Variants in DNAH17 observed in about 807,000 individuals in gnomAD.
DNAH17 encodes the protein axonemal beta dynein heavy chain 17.
DNAH17 carries 376 observed loss-of-function variants against 485.6 expected under a neutral mutation model. The observed-to-expected ratio is 0.77, with a 90% CI of 0.71 to 0.84. The LOEUF (loss-of-function observed/expected upper bound fraction) is 0.84, where lower values mean the gene tolerates loss of function less well. DNAH17 is among the 40% of genes least tolerant of loss of function. The probability of loss-of-function intolerance (pLI) is 0.00; values close to 1 mark genes in which losing one functional copy is unlikely to be tolerated. For missense variants in DNAH17, 6,370 were observed against 5,839.3 expected, an observed-to-expected ratio of 1.09 and a Z score of -2.96; for synonymous variants, 3,031 against 2,405.9, an observed-to-expected ratio of 1.26 and a Z score of -7.60.
intron 34 of DNAH17, 129 bp from the exon 35 acceptor site, chr17:78,501,473 T>C: frequency 1.7e-6 from 2 of 1,203,490 alleles, no homozygotes; most frequent in South Asian, 1.6e-5. Context: ...TCTTTCCCCC[T>C]CCAGCACCCA....
At position 78,461,660 on chromosome 17, in the gene DNAH17, G is replaced by C. The variant is rs1163946110; in HGVS notation, c.9223C>G (p.Gln3075Glu). 2.5e-6 allele frequency: 4 copies of C among 1,611,824 alleles called. No homozygotes were observed. ...AGTTGGTCTGCGCTCTCATTCTTCT[G>C]CTTGAGCTCAGCCTCCTGAATCGCC... ...KLAIQEAELKQKNESADQLIQ... is the reference protein window; with the variant it reads ...KLAIQEAELKEKNESADQLIQ... The change falls in exon 58 of 81, where the codon CAG becomes GAG. Residue 3075 changes from glutamine (Q) to glutamate (E), a missense_variant. By Grantham distance (29) the Gln-to-Glu change is conservative (BLOSUM62 2). Coordinates refer to ENST00000389840, the MANE Select transcript of DNAH17 (RefSeq NM_173628.4).
At chr17:78,427,282 A>C (rs1264170973) in intron 77 of DNAH17, 174 bp from the exon 78 acceptor site, 5 of 651,344 alleles carry the variant, frequency 7.7e-6, no homozygotes, top group Non-Finnish European at 1.3e-5. Context: ...TTTGATGAGG[A>C]GAGGGAGCCT....
At chr17:78,501,480 C>T (rs2090287536) in intron 34 of DNAH17, 136 bp from the exon 35 acceptor site, 3 of 1,160,596 alleles carry the variant, frequency 2.6e-6, no homozygotes, top group Non-Finnish European at 3.5e-6. Context: ...CCCTCCAGCA[C>T]CCACATCCAA....
intron 62 of DNAH17, among the ~76,000 whole-genome samples, chr17:78,456,713 G>A (rs1446173125): frequency 6.6e-6 from 1 of 152,222 alleles, no homozygotes; most frequent in East Asian, 1.9e-4. Flanking sequence ...TAGAGCCACT[G>A]AGGGTCTGTC....
chr17:78,428,547 G>C lies in DNAH17; in HGVS notation c.12566C>G (p.Thr4189Arg). ...TGCCTTCTCCTCGCGGGACACTCCCGTGCCTGCCCCCGAGTCCGTCTCTTT... is the reference window on the plus strand; with the variant it reads ...TGCCTTCTCCTCGCGGGACACTCCCCTGCCTGCCCCCGAGTCCGTCTCTTT... ...QPKETDSGAG[T>R]GVSREEKVKA... The change falls in exon 77 of 81, where the codon ACG (threonine) becomes AGG (arginine). Residue 4189 changes from threonine (T) to arginine (R), a missense_variant. Coordinates refer to ENST00000389840, the MANE Select transcript of DNAH17 (RefSeq NM_173628.4). 1 of 1,610,748 alleles carries C rather than the reference G, an allele frequency of 6.2e-7. No homozygotes were observed. Among genetic ancestry groups the C allele is most frequent in the Non-Finnish European group, 8.5e-7 (1 of 1,178,564 alleles).
chr17:78,433,340 C>G (rs2086747058), intron 75 of DNAH17, among the ~76,000 whole-genome samples: 1 of 152,250 alleles, frequency 6.6e-6, no homozygotes, highest in Admixed American at 6.5e-5. Context: ...TACAGAGGGC[C>G]CCCTCCAGCG....
rs1246980684 is a variant in DNAH17 at position 78,491,458 on chromosome 17, G to A, written c.6654C>T (p.Val2218=). 2 of 1,612,880 alleles carry A rather than the reference G, an allele frequency of 1.2e-6. No homozygotes were observed. The highest frequency in any genetic ancestry group is 1.7e-6 in the Non-Finnish European group (2 of 1,179,558). Residue 2218 remains valine (V), a synonymous_variant, in exon 43 of 81, where the codon GTC becomes GTT. Transcript: ENST00000389840. ...GCCCGCGAACCTTGTTGTCATCCATGACTGTGTTGAGAGACTCGATCCACA... is the reference window on the plus strand; with the variant it reads ...GCCCGCGAACCTTGTTGTCATCCATAACTGTGTTGAGAGACTCGATCCACA... ...DPMWIESLNT[V]MDDNKVLTLA...
chr17:78,558,079 T>C (rs2092066516), intron 14 of DNAH17, 29 bp downstream of exon 14: 2 of 1,582,988 alleles, frequency 1.3e-6, no homozygotes, highest in African/African-American at 1.4e-5. Flanking sequence ...CAAAGCTGCA[T>C]CAGGAATAGT....
intron 41 of DNAH17, 42 bp from the exon 42 acceptor site, chr17:78,492,807 T>C: frequency 6.4e-7 from 1 of 1,561,686 alleles, no homozygotes; most frequent in Non-Finnish European, 8.7e-7. Context: ...TCCATGTTCC[T>C]GGCACATCCT....
chr17:78,447,248 C>T (rs949563080), intron 69 of DNAH17, among the ~76,000 whole-genome samples: 7 of 152,144 alleles, frequency 4.6e-5, no homozygotes, highest in East Asian at 1.9e-4. Flanking sequence ...TTGGCTGCTG[C>T]GATTAATGCT....
intron 48 of DNAH17, among the ~76,000 whole-genome samples, chr17:78,483,873 G>A (rs551047253): frequency 6.6e-6 from 1 of 151,984 alleles, no homozygotes; most frequent in South Asian, 2.1e-4. Flanking sequence ...AAGGCGGGCG[G>A]ATCACCTGAG....
chr17:78,572,191 A>G (rs528922969), intron 3 of DNAH17, among the ~76,000 whole-genome samples: 1 of 152,266 alleles, frequency 6.6e-6, no homozygotes, highest in East Asian at 1.9e-4. Context: ...GGGGTCTCAC[A>G]TATCAGGGCG....
chr17:78,466,502 G>A (rs1315444775), intron 56 of DNAH17, among the ~76,000 whole-genome samples, 153 bp downstream of exon 56: 2 of 152,212 alleles, frequency 1.3e-5, no homozygotes, highest in Non-Finnish European at 2.9e-5. Flanking sequence ...TGATGCCTGA[G>A]TTTCTGGCAG....
Position 78,463,094 on chromosome 17 carries a change from G to A in DNAH17, c.8941-17C>T, listed in dbSNP as rs138250231. The stretch of plus-strand genomic sequence containing the variant: ...GACTTCCCACTACAAAGATGAGACA[G>A]CCAGTCATCCCTGGGACCCCATCCT... On this transcript the variant is annotated splice_polypyrimidine_tract_variant and intron_variant, in intron 56 of 80. Coordinates refer to ENST00000389840, the MANE Select transcript of DNAH17 (RefSeq NM_173628.4). 1.9e-5 allele frequency: 30 copies of A among 1,610,038 alleles called. No homozygotes were observed. The East Asian group carries it at 4.7e-4, about 25-fold the overall frequency.
intron 48 of DNAH17, among the ~76,000 whole-genome samples, chr17:78,484,562 G>C (rs2089501781): frequency 9.3e-6 from 1 of 107,900 alleles, no homozygotes; most frequent in Non-Finnish European, 2.1e-5. Flanking sequence ...CGGTGGAAGG[G>C]GGGAAGGAGG....
chr17:78,505,839 G>A lies in DNAH17; in HGVS notation c.4804-394C>T, dbSNP rs1315544845. ...ACTAAAAATACAAACTTAGCCAGAC[G>A]TGGTGGTGCATGCCTGTAATCCCAG... is the stretch of plus-strand genomic sequence containing the variant. On this transcript the variant is annotated intron_variant, in intron 30 of 80. Coordinates refer to ENST00000389840, the MANE Select transcript of DNAH17 (RefSeq NM_173628.4). 3.3e-5 allele frequency among the ~76,000 whole-genome samples: 5 copies of A among 152,138 alleles called. No homozygotes were observed. In the East Asian group the frequency reaches 5.9e-4, roughly 18 times the overall value.
rs559646470 is a variant in DNAH17, at chr17:78,458,881, G to A, written c.9861+120C>T. 157 of 1,200,506 alleles carry A rather than the reference G, an allele frequency of 1.3e-4. No individual in the cohort carries two copies. The African/African-American group carries it at 2.1e-3, about 16-fold the overall frequency. 74.4% of individuals were successfully genotyped at this position (1,200,506 alleles called of 1,614,324 possible). On this transcript the variant is annotated intron_variant, in intron 61 of 80. Transcript: ENST00000389840. ...CCCCTGCCTCTGCCTGCATCCTCTT[G>A]CACTGCTGAATAATTCATGACGGCG...
At position 78,450,255 on chromosome 17, in the gene DNAH17, T is replaced by C. The variant is rs750799294; in HGVS notation, c.11039A>G (p.Lys3680Arg). The C allele has an allele frequency of 6.2e-6, 10 of 1,613,714 alleles. No homozygotes were observed. Among genetic ancestry groups the C allele is most frequent in the East Asian group, 4.5e-5 (2 of 44,880 alleles). ...KINPVYQFSL[K>R]AFNVVFEKAI... ...CCCAGCCCCAGCTGCAGGGCGCACC[T>C]TGAGGGAGAACTGGTAGACGGGGTT... Residue 3680 changes from lysine to arginine, a missense_variant and splice_region_variant, in exon 68 of 81, where the codon AAG becomes AGG. Transcript: ENST00000389840.
chr17:78,501,152 G>GCA, intron 35 of DNAH17, 32 bp downstream of exon 35: 1 of 1,549,576 alleles, frequency 6.5e-7, no homozygotes, highest in South Asian at 1.2e-5. Flanking sequence ...CCCACCAAGA[G>GCA]CACATGTGAG....
Sources: gnomAD v4.1 joint callset for allele counts (sites outside exome capture counted in the v4.1 genomes callset) on GRCh38, gnomAD v4.1.1 for gene constraint, MANE v1.5 for transcripts, NCBI Gene and HGNC (gene_info 2026-07-23, HGNC 2026-07-21) for gene names.